The following IQSEC1 variants were observed in gnomAD, a reference collection of about 807,000 sequenced individuals.
The protein encoded by IQSEC1 is IQ motif and SEC7 domain-containing protein 1.
In IQSEC1, 31 loss-of-function variants were observed where a neutral mutation model predicts 91.0. The ratio of observed to expected loss-of-function variants is 0.34; its 90% CI spans 0.26 to 0.46. The LOEUF (loss-of-function observed/expected upper bound fraction) is 0.46. Ranked by LOEUF, IQSEC1 falls within the 20% of genes least tolerant of loss-of-function variation. IQSEC1 has a pLI of 1.00. For missense variants in IQSEC1, 1,388 were observed against 1,575.6 expected (o/e 0.88, Z 2.02); for synonymous variants, 699 against 662.6 (o/e 1.05, Z -0.84).
At chr3:13,202,242 G>T (rs1429756630) in intron 1 of IQSEC1, among the ~76,000 whole-genome samples, 1 of 152,198 alleles carries the variant, frequency 6.6e-6, no homozygotes, top group Admixed American at 6.5e-5. Context: ...AAACCAGTAT[G>T]GTGGTTCCTC....
intron 2 of IQSEC1, among the ~76,000 whole-genome samples, chr3:13,090,100 C>T (rs1162217913): frequency 6.6e-6 from 1 of 152,010 alleles, no homozygotes; most frequent in African/African-American, 2.4e-5. Context: ...CACCTGTAGT[C>T]CCAGCTACTC....
intron 1 of IQSEC1, among the ~76,000 whole-genome samples, chr3:13,243,644 G>A (rs1277733306): frequency 6.6e-6 from 1 of 152,040 alleles, no homozygotes; most frequent in African/African-American, 2.4e-5. Context: ...CCAGACCGAG[G>A]AGAAGTTCTA....
chr3:13,058,205 G>A lies in IQSEC1; in HGVS notation c.23+14787C>T, dbSNP rs151229894. ...TGAGAATTGCTTGAACCTGGTGGGC[G>A]GAGGTTGCAGTGAGCCGAGATGGCG... On this transcript the variant is annotated intron_variant, in intron 1 of 13. Transcript: ENST00000613206. Among the ~76,000 whole-genome samples, 969 of 152,320 alleles carry A rather than the reference G, an allele frequency of 6.4e-3. 10 individuals are homozygous for A. The highest frequency in any genetic ancestry group is 0.022 in the African/African-American group (925 of 41,566).
intron 1 of IQSEC1, among the ~76,000 whole-genome samples, chr3:13,065,737 T>C (rs1705208780): frequency 6.6e-6 from 1 of 152,142 alleles, no homozygotes; most frequent in African/African-American, 2.4e-5. Flanking sequence ...CTTCTGAGTA[T>C]ACACCCAACA....
At chr3:12,947,409 C>T (rs903749027) in intron 1 of IQSEC1, among the ~76,000 whole-genome samples, 2 of 152,030 alleles carry the variant, frequency 1.3e-5, no homozygotes, top group Admixed American at 6.6e-5. Flanking sequence ...CATCTTTACA[C>T]CGAGGTCTCA....
chr3:12,976,562 A>G lies in IQSEC1; in HGVS notation c.24-34697T>C, dbSNP rs553733579. Among the ~76,000 whole-genome samples the G allele has an allele frequency of 9.9e-5, 15 of 151,152 alleles. No individual in the cohort carries two copies. In the South Asian group the frequency reaches 3.1e-3, roughly 31 times the overall value. On this transcript the variant is annotated intron_variant, in intron 1 of 13. Transcript: ENST00000613206. The stretch of plus-strand genomic sequence containing the variant: ...CTCATACATGAAGGGCTCTACGACA[A>G]TACATGTATGTTCTGTCACTTCTTC...
At chr3:13,184,627 C>T (rs887476084) in intron 1 of IQSEC1, among the ~76,000 whole-genome samples, 37 of 152,172 alleles carry the variant, frequency 2.4e-4, no homozygotes, top group Admixed American at 1.3e-4. Context: ...GGAATAAAAG[C>T]CATACAGATT....
intron 1 of IQSEC1, among the ~76,000 whole-genome samples, chr3:13,165,320 C>T (rs1693465528): frequency 6.6e-6 from 1 of 152,088 alleles, no homozygotes; most frequent in South Asian, 2.1e-4. Context: ...GCACAGACAC[C>T]TGTGGCATCT....
At chr3:13,237,090 C>T (rs1425689309) in intron 1 of IQSEC1, among the ~76,000 whole-genome samples, 1 of 152,236 alleles carries the variant, frequency 6.6e-6, no homozygotes, top group African/African-American at 2.4e-5. Context: ...GGTCTCCCTC[C>T]GCCTCCCAGA....
chr3:13,099,499 G>T (rs1245369640), intron 2 of IQSEC1, among the ~76,000 whole-genome samples: 2 of 152,288 alleles, frequency 1.3e-5, no homozygotes, highest in Admixed American at 6.5e-5. Context: ...CGAGCTGGGT[G>T]TCCCCGGGTG....
chr3:13,130,341 CAAAAAAAAAAA>C (rs58162524), intron 2 of IQSEC1, among the ~76,000 whole-genome samples: 3 of 61,882 alleles, frequency 4.8e-5, no homozygotes, highest in African/African-American at 8.4e-5. Context: ...GAGACTCTGT[CAAAAAAAAAAA>C]AAAAAAAAAA....
intron 2 of IQSEC1, among the ~76,000 whole-genome samples, chr3:12,938,040 C>T (rs1193907683): frequency 6.6e-6 from 1 of 152,234 alleles, no homozygotes; most frequent in African/African-American, 2.4e-5. Flanking sequence ...CTGAGGGCCA[C>T]TCCCTGCACC....
chr3:13,004,225 AC>A (rs1702540292), intron 1 of IQSEC1, among the ~76,000 whole-genome samples: 1 of 152,200 alleles, frequency 6.6e-6, no homozygotes, highest in Non-Finnish European at 1.5e-5. Flanking sequence ...GAAGACAAAG[AC>A]ACAGCCAGAG....
chr3:13,242,776 C>A (rs552238017), intron 1 of IQSEC1, among the ~76,000 whole-genome samples: 7 of 152,048 alleles, frequency 4.6e-5, no homozygotes, highest in Non-Finnish European at 8.8e-5. Flanking sequence ...TCAGGCTTCA[C>A]GTCACCGGGA....
chr3:13,013,070 C>T (rs1702961908), intron 1 of IQSEC1, among the ~76,000 whole-genome samples: 1 of 146,898 alleles, frequency 6.8e-6, no homozygotes. Context: ...AAGCGATTCT[C>T]CTGCCTCAGC....
At chr3:13,095,453 G>T (rs1705938035) in intron 2 of IQSEC1, among the ~76,000 whole-genome samples, 1 of 152,168 alleles carries the variant, frequency 6.6e-6, no homozygotes. Context: ...AGCAGCACCG[G>T]GGGCTGATGG....
At chr3:13,009,080 C>T (rs1393983874) in intron 1 of IQSEC1, among the ~76,000 whole-genome samples, 1 of 152,238 alleles carries the variant, frequency 6.6e-6, no homozygotes, top group East Asian at 1.9e-4. Flanking sequence ...GAGATCACCA[C>T]ACAGGGAAGG....
chr3:12,929,810 C>A lies in IQSEC1; in HGVS notation c.1569-5068G>T, dbSNP rs71306026. The stretch of plus-strand genomic sequence containing the variant: ...CTCTGTACCCCCGGCCCTGCTGCCC[C>A]CTAAAATGCCCCAGCAGGCAGTGTA... On this transcript the variant is annotated intron_variant, in intron 3 of 13. Coordinates refer to ENST00000613206, the MANE Select transcript of IQSEC1 (RefSeq NM_001134382.3). Among the ~76,000 whole-genome samples, 121 of 152,328 alleles carry A rather than the reference C, an allele frequency of 7.9e-4. 1 individual carries two copies. The highest frequency in any genetic ancestry group is 1.6e-3 in the Non-Finnish European group (106 of 68,042).
chr3:13,035,511 C>T (rs528245645), intron 1 of IQSEC1, among the ~76,000 whole-genome samples: 10 of 152,276 alleles, frequency 6.6e-5, no homozygotes, highest in Admixed American at 4.6e-4. Context: ...TTTCAACTTA[C>T]TCCATTAAGA....
Sources: allele counts gnomAD v4.1 joint callset (sites outside exome capture counted in the v4.1 genomes callset), GRCh38; gene constraint gnomAD v4.1.1; transcripts MANE v1.5; gene names NCBI Gene and HGNC (gene_info 2026-07-23, HGNC 2026-07-21).